The following PTPRK variants were observed in gnomAD, a reference collection of about 807,000 sequenced individuals.
PTPRK encodes protein tyrosine phosphatase receptor type K, also known as receptor-type tyrosine-protein phosphatase kappa.
PTPRK carries 75 observed loss-of-function variants against 178.0 expected under a neutral mutation model. The ratio of observed to expected loss-of-function variants is 0.42; its 90% CI spans 0.35 to 0.51. PTPRK has a LOEUF of 0.51. Among genes scored for constraint, PTPRK ranks in the 20% least tolerant of loss-of-function variants. The pLI is 0.02. For synonymous variants in PTPRK, 637 were observed against 620.6 expected, an observed-to-expected ratio of 1.03 and a Z score of -0.39; for missense variants, 1,441 against 1,797.8, an observed-to-expected ratio of 0.80 and a Z score of 3.59.
At chr6:128,128,523 C>A (rs1187012431) in intron 7 of PTPRK, among the ~76,000 whole-genome samples, 1 of 152,206 alleles carries the variant, frequency 6.6e-6, no homozygotes, top group Non-Finnish European at 1.5e-5. Context: ...TTTGGCACAT[C>A]ATGACCAATT....
At chr6:128,372,046 C>T (rs927678834) in intron 2 of PTPRK, among the ~76,000 whole-genome samples, 27 of 152,200 alleles carry the variant, frequency 1.8e-4, no homozygotes, top group African/African-American at 6.5e-4. Context: ...CATGAAATGA[C>T]ATTTGCCTAG....
At chr6:128,189,969 C>T (rs967264719) in intron 6 of PTPRK, among the ~76,000 whole-genome samples, 1 of 151,708 alleles carries the variant, frequency 6.6e-6, no homozygotes, top group African/African-American at 2.4e-5. Context: ...AAGTTGGTAA[C>T]ATAATTTAAT....
At chr6:128,153,958 AAAC>A (rs562006857) in intron 7 of PTPRK, among the ~76,000 whole-genome samples, 88 of 151,998 alleles carry the variant, frequency 5.8e-4, no homozygotes, top group African/African-American at 2.0e-3. Context: ...GAAAAAAGTA[AAAC>A]TCCACAAATA....
chr6:128,228,942 A>C (rs1811856043), intron 5 of PTPRK, among the ~76,000 whole-genome samples: 1 of 152,190 alleles, frequency 6.6e-6, no homozygotes, highest in African/African-American at 2.4e-5. Flanking sequence ...CAATTAAAGA[A>C]AATGTGAATG....
chr6:128,403,625 C>T (rs1841305386), intron 1 of PTPRK, among the ~76,000 whole-genome samples: 1 of 151,472 alleles, frequency 6.6e-6, no homozygotes, highest in Non-Finnish European at 1.5e-5. Context: ...ATGTTTTATT[C>T]TTCCCAGTTT....
chr6:128,185,120 C>T (rs1802547936), intron 6 of PTPRK, among the ~76,000 whole-genome samples: 1 of 152,004 alleles, frequency 6.6e-6, no homozygotes, highest in Non-Finnish European at 1.5e-5. Context: ...TTTTGCTTTC[C>T]TTGTTACTTC....
chr6:128,134,214 C>A (rs186117522), intron 7 of PTPRK, among the ~76,000 whole-genome samples: 1 of 152,014 alleles, frequency 6.6e-6, no homozygotes, highest in East Asian at 1.9e-4. Flanking sequence ...TTAGGACATG[C>A]GCATATTTAA....
intron 2 of PTPRK, among the ~76,000 whole-genome samples, chr6:128,353,806 G>T (rs1392558222): frequency 6.6e-6 from 1 of 152,122 alleles, no homozygotes; most frequent in South Asian, 2.1e-4. Flanking sequence ...GATTATCGTG[G>T]TAGTTACTAT....
intron 7 of PTPRK, among the ~76,000 whole-genome samples, chr6:128,160,570 T>C (rs1368147010): frequency 1.3e-5 from 2 of 151,676 alleles, no homozygotes; most frequent in African/African-American, 2.4e-5. Context: ...ATTTAAGTTA[T>C]AGCAACTCTT....
intron 2 of PTPRK, among the ~76,000 whole-genome samples, chr6:128,378,023 G>T (rs1303209260): frequency 1.3e-5 from 2 of 152,064 alleles, no homozygotes; most frequent in Non-Finnish European, 2.9e-5. Flanking sequence ...TGTGATCATG[G>T]TTTGCTTTTT....
chr6:128,046,996 T>G (rs1454371596), intron 13 of PTPRK, among the ~76,000 whole-genome samples: 1 of 152,094 alleles, frequency 6.6e-6, no homozygotes, highest in Admixed American at 6.6e-5. Context: ...AATGAAAGAT[T>G]TGACAAAGGC....
chr6:128,125,597 CTTTTCTTTTTTTTT>C (rs1793214142), intron 7 of PTPRK, among the ~76,000 whole-genome samples: 1 of 82,146 alleles, frequency 1.2e-5, no homozygotes, highest in Non-Finnish European at 2.4e-5. Context: ...TGCCTTTGGG[CTTTTCTTTTTTTTT>C]TTTTTTTTTT....
At chr6:128,018,260 A>C (rs1402085139) in intron 13 of PTPRK, among the ~76,000 whole-genome samples, 1 of 152,130 alleles carries the variant, frequency 6.6e-6, no homozygotes, top group Non-Finnish European at 1.5e-5. Flanking sequence ...AAAAATGCTC[A>C]TAATTTGTCA....
rs530203059 is a variant in PTPRK, at chr6:128,519,795, C to A, written c.100+464G>T. Among the ~76,000 whole-genome samples, 8 of 152,266 alleles carry A rather than the reference C, an allele frequency of 5.3e-5. No individual in the cohort carries two copies. Among genetic ancestry groups the A allele is most frequent in the African/African-American group, 1.9e-4 (8 of 41,550 alleles). ...TAGTCAGGGGAGGTTATTCCCGGGACAAAAAGCACCTGGCAAAGCGCGCCG... is the reference window on the plus strand; with the variant it reads ...TAGTCAGGGGAGGTTATTCCCGGGAAAAAAAGCACCTGGCAAAGCGCGCCG... On this transcript the variant is annotated intron_variant, in intron 1 of 29. Coordinates refer to ENST00000368226, the MANE Select transcript of PTPRK (RefSeq NM_002844.4). The surrounding 1 kb of genome is among the most constrained non-coding windows in gnomAD (Gnocchi z 4.3).
At chr6:128,113,760 A>G (rs1791044258) in intron 7 of PTPRK, among the ~76,000 whole-genome samples, 5 of 152,116 alleles carry the variant, frequency 3.3e-5, no homozygotes, top group Admixed American at 3.3e-4. Flanking sequence ...TTCAAATCCC[A>G]GTAAACAAAT....
intron 2 of PTPRK, among the ~76,000 whole-genome samples, chr6:128,326,322 T>C (rs1244790486): frequency 1.3e-5 from 2 of 152,104 alleles, no homozygotes; most frequent in African/African-American, 4.8e-5. Flanking sequence ...AAAAAAGAGA[T>C]ACATACCTTC....
At chr6:128,144,603 A>C (rs994968495) in intron 7 of PTPRK, among the ~76,000 whole-genome samples, 1 of 151,198 alleles carries the variant, frequency 6.6e-6, no homozygotes, top group African/African-American at 2.4e-5. Context: ...CCATTCCCTC[A>C]CCTAGCACTG....
intron 1 of PTPRK, among the ~76,000 whole-genome samples, chr6:128,430,940 CTTTTT>C (rs577140756): frequency 7.3e-6 from 1 of 136,988 alleles, no homozygotes; most frequent in Non-Finnish European, 1.6e-5. Context: ...TAATTTTTTT[CTTTTT>C]TTTTTTTTTT....
At chr6:128,211,317 G>T (rs1260738284) in intron 6 of PTPRK, among the ~76,000 whole-genome samples, 1 of 151,934 alleles carries the variant, frequency 6.6e-6, no homozygotes, top group Admixed American at 6.6e-5. Context: ...TAATAATCAT[G>T]AACTAAACAC....
Sources: allele counts gnomAD v4.1 joint callset (sites outside exome capture counted in the v4.1 genomes callset), GRCh38; gene constraint gnomAD v4.1.1; non-coding constraint Gnocchi (gnomAD v3.1); transcripts MANE v1.5; gene names NCBI Gene and HGNC (gene_info 2026-07-23, HGNC 2026-07-21).